FXR1: variants seen among roughly 807,000 people sequenced by gnomAD.
FXR1 encodes the protein RNA-binding protein FXR1.
Under a neutral mutation model 84.0 loss-of-function variants are expected in FXR1, and 15 were observed. The observed-to-expected ratio is 0.18, with a 90% CI of 0.12 to 0.27. The LOEUF (loss-of-function observed/expected upper bound fraction) is 0.27. Among genes scored for constraint, FXR1 ranks in the 10% least tolerant of loss-of-function variants. The pLI, the probability that FXR1 is intolerant of heterozygous loss-of-function variation, is 1.00. For synonymous variants in FXR1, 245 were observed against 250.7 expected (o/e 0.98, Z 0.21); for missense variants, 480 against 774.4 (o/e 0.62, Z 4.51).
intron 13 of FXR1, 130 bp downstream of exon 13, chr3:180,963,220 G>A (rs1247999826): frequency 3.4e-6 from 2 of 592,798 alleles, no homozygotes; most frequent in African/African-American, 3.8e-5. Context: ...AGGTAGTTCT[G>A]AAGGTTTAGT....
chr3:180,968,676 G>C (rs1577000084), intron 14 of FXR1, among the ~76,000 whole-genome samples: 1 of 152,262 alleles, frequency 6.6e-6, no homozygotes, highest in Non-Finnish European at 1.5e-5. Flanking sequence ...AGCATTCTTA[G>C]CTACACTATG....
intron 3 of FXR1, among the ~76,000 whole-genome samples, chr3:180,944,502 T>G (rs1177756093): frequency 6.6e-6 from 1 of 151,844 alleles, no homozygotes; most frequent in Non-Finnish European, 1.5e-5. Flanking sequence ...AAAAAAAATT[T>G]TTTTTATAGA....
At chr3:180,937,471 A>G (rs1371114310) in intron 3 of FXR1, among the ~76,000 whole-genome samples, 4 of 152,056 alleles carry the variant, frequency 2.6e-5, no homozygotes, top group African/African-American at 4.8e-5. Flanking sequence ...TGAAGAAGAC[A>G]TTGGTGTTAG....
At chr3:180,954,710 T>A (rs920470847) in intron 9 of FXR1, among the ~76,000 whole-genome samples, 3 of 150,650 alleles carry the variant, frequency 2.0e-5, no homozygotes, top group Non-Finnish European at 4.4e-5. Context: ...TCTCTCATTA[T>A]TTTTTTTTGA....
At chr3:180,942,740 C>T (rs1043176274) in intron 3 of FXR1, among the ~76,000 whole-genome samples, 7 of 152,110 alleles carry the variant, frequency 4.6e-5, no homozygotes, top group East Asian at 1.9e-4. Flanking sequence ...ATTGTTCCTG[C>T]GAAATAGTTT....
Position 180,981,873 on chromosome 3 carries a change from CAGA to C in FXR1, c.*5584_*5586del, listed in dbSNP as rs1714626850. 6.6e-6 allele frequency: 1 copy of C among 152,020 alleles called. No individual in the cohort carries two copies. Among genetic ancestry groups the C allele is most frequent in the African/African-American group, 2.4e-5 (1 of 41,376 alleles). The allele number at this position is 152,020 out of a possible 1,614,324, so 9.4% of individuals were successfully genotyped here. A position where few individuals can be genotyped will look rare whatever the true frequency, so the allele number is the denominator to read the frequency against. On this transcript the variant is annotated 3_prime_UTR_variant, in exon 17 of 17. Coordinates refer to ENST00000357559, the MANE Select transcript of FXR1 (RefSeq NM_005087.4). ...CTGGCTTCTGTTTACCTGGCTTCTG[CAGA>C]AGTTTAACTTGTAACCTACCTCTCA... is the stretch of plus-strand genomic sequence containing the variant.
intron 9 of FXR1, among the ~76,000 whole-genome samples, chr3:180,956,137 A>C (rs908693296): frequency 6.6e-6 from 1 of 152,232 alleles, no homozygotes; most frequent in African/African-American, 2.4e-5. Context: ...GGTAAGTTCC[A>C]GAGAGGATTT....
At chr3:180,920,332 T>C (rs1255523454) in intron 1 of FXR1, among the ~76,000 whole-genome samples, 1 of 152,190 alleles carries the variant, frequency 6.6e-6, no homozygotes, top group Non-Finnish European at 1.5e-5. Flanking sequence ...GAATGATGTG[T>C]AATCTTAGTA....
At chr3:180,915,965 G>A (rs1021473574) in intron 1 of FXR1, among the ~76,000 whole-genome samples, 1 of 152,314 alleles carries the variant, frequency 6.6e-6, no homozygotes, top group Admixed American at 6.5e-5. Flanking sequence ...AACTTGATTT[G>A]TGCATGTTCG....
chr3:180,918,502 G>A (rs1382079485), intron 1 of FXR1, among the ~76,000 whole-genome samples: 1 of 152,124 alleles, frequency 6.6e-6, no homozygotes, highest in East Asian at 1.9e-4. Flanking sequence ...AGGAGGAAAA[G>A]GGCAGATACT....
chr3:180,950,202 GCA>G (rs1389845252), intron 7 of FXR1, among the ~76,000 whole-genome samples: 2 of 152,274 alleles, frequency 1.3e-5, no homozygotes, highest in African/African-American at 4.8e-5. Flanking sequence ...ACATGTGCAT[GCA>G]CACACTGTGA....
At chr3:180,954,294 G>A (rs1250616420) in intron 9 of FXR1, among the ~76,000 whole-genome samples, 1 of 152,196 alleles carries the variant, frequency 6.6e-6, no homozygotes, top group Non-Finnish European at 1.5e-5. Context: ...CTTCTACACA[G>A]TAGGTCCTGA....
At chr3:180,960,280 G>A (rs1711931744) in intron 10 of FXR1, among the ~76,000 whole-genome samples, 1 of 152,212 alleles carries the variant, frequency 6.6e-6, no homozygotes, top group East Asian at 1.9e-4. Flanking sequence ...TTTATGCTCT[G>A]GAGGTGATAT....
Position 180,933,794 on chromosome 3 carries a change from T to TG in FXR1, c.104+411dup, listed in dbSNP as rs1326452243. On this transcript the variant is annotated intron_variant, in intron 2 of 16. Coordinates refer to ENST00000357559, the MANE Select transcript of FXR1 (RefSeq NM_005087.4). ...TCTAAAAATGGGAAAGACAGCATGC[T>TG]GGGTTTGGTTAGGAAGGGCTATAAA... is the stretch of plus-strand genomic sequence containing the variant. Among the ~76,000 whole-genome samples, 5 of 152,130 alleles carry TG rather than the reference T, an allele frequency of 3.3e-5. No homozygotes were observed. In the East Asian group the frequency reaches 9.7e-4, roughly 29 times the overall value.
intron 1 of FXR1, among the ~76,000 whole-genome samples, chr3:180,919,086 G>T (rs1283534297): frequency 2.6e-5 from 4 of 152,100 alleles, no homozygotes; most frequent in Non-Finnish European, 5.9e-5. Context: ...GGAATAAATT[G>T]GGAGGTTCCC....
intron 3 of FXR1, among the ~76,000 whole-genome samples, chr3:180,941,178 ATT>A (rs112424019): frequency 6.9e-6 from 1 of 145,000 alleles, no homozygotes; most frequent in African/African-American, 2.5e-5. Flanking sequence ...AACTTTTTAG[ATT>A]TTTTTTTTTT....
chr3:180,962,071 G>A (rs1411467149), intron 11 of FXR1, among the ~76,000 whole-genome samples: 2 of 152,136 alleles, frequency 1.3e-5, no homozygotes, highest in East Asian at 3.9e-4. Flanking sequence ...TACATAAAGA[G>A]CAAGGGTTTT....
chr3:180,937,017 A>G (rs1009676002), intron 3 of FXR1, among the ~76,000 whole-genome samples: 1 of 152,088 alleles, frequency 6.6e-6, no homozygotes, highest in African/African-American at 2.4e-5. Context: ...GGTGGGTGCT[A>G]TATATGGCAG....
At position 180,914,116 on chromosome 3, in the gene FXR1, C is replaced by T. The variant is rs183681920; in HGVS notation, c.51+1380C>T. 1.6e-3 allele frequency among the ~76,000 whole-genome samples: 237 copies of T among 152,132 alleles called. 2 individuals carry two copies. Among genetic ancestry groups the T allele is most frequent in the African/African-American group, 5.6e-3 (231 of 41,486 alleles). ...GGTAAACTTAAAGTAGGAACAGTGC[C>T]TGTTGGAAATGAGACTTTATGTTAA... On this transcript the variant is annotated intron_variant, in intron 1 of 16. Transcript: ENST00000357559.
Sources: allele counts gnomAD v4.1 joint callset (sites outside exome capture counted in the v4.1 genomes callset), GRCh38; gene constraint gnomAD v4.1.1; transcripts MANE v1.5; gene names NCBI Gene and HGNC (gene_info 2026-07-23, HGNC 2026-07-21).